ABL1: variants seen among roughly 807,000 people sequenced by gnomAD.
The protein encoded by ABL1 is tyrosine-protein kinase ABL1.
A neutral mutation model predicts 94.7 loss-of-function variants in ABL1; 11 were observed. The ratio of observed to expected loss-of-function variants is 0.12; its 90% CI spans 0.07 to 0.19. ABL1 has a LOEUF of 0.19. Ranked by LOEUF, ABL1 falls within the 10% of genes least tolerant of loss-of-function variation. The probability of loss-of-function intolerance (pLI) is 1.00; values close to 1 mark genes in which losing one functional copy is unlikely to be tolerated. For synonymous variants in ABL1, 656 were observed against 622.4 expected (o/e 1.05, Z -0.80); for missense variants, 1,082 against 1,489.4 (o/e 0.73, Z 4.50).
intron 1 of ABL1, among the ~76,000 whole-genome samples, chr9:130,754,766 C>T (rs4740364): frequency 0.086 from 13,081 of 151,952 alleles, 1,231 homozygotes; most frequent in East Asian, 0.47. Flanking sequence ...GAATACCGTG[C>T]GGGGCTTCTC....
chr9:130,829,687 T>G (rs559526967), intron 1 of ABL1, among the ~76,000 whole-genome samples: 2 of 152,106 alleles, frequency 1.3e-5, no homozygotes, highest in African/African-American at 4.8e-5. Context: ...GATAGGTATA[T>G]AGAAGACTAA....
In ABL1 at chr9:130,773,248, A is replaced by G. The variant is rs192423702; in HGVS notation, c.136+58793A>G. Among the ~76,000 whole-genome samples the G allele has an allele frequency of 8.8e-3, 1,337 of 152,226 alleles. 19 individuals carry two copies. The highest frequency in any genetic ancestry group is 0.031 in the African/African-American group (1,268 of 41,538). ...GCAGGAGAATCACTTGAACCTGGGAAGTGGAGGTTGCAGTGAGCTGAGATC... is the reference window on the plus strand; with the variant it reads ...GCAGGAGAATCACTTGAACCTGGGAGGTGGAGGTTGCAGTGAGCTGAGATC... On this transcript the variant is annotated intron_variant, in intron 1 of 10. Transcript: ENST00000372348.
chr9:130,884,423 GCGCTTCCTGCGCTCTTGCTC>G lies in ABL1; in HGVS notation c.2137_2156del (p.Phe713LeufsTer29). ...AGGAGGGCGGTGGCAGCTCCAGCAA[GCGCTTCCTGCGCTCTTGCTC>G]CGCCTCCTGCGTTCCCCATGGGGCC... On this transcript the variant is annotated frameshift_variant, in exon 11 of 11. Coordinates refer to ENST00000318560, the MANE Select transcript of ABL1 (RefSeq NM_005157.6). LOFTEE classifies it high-confidence loss of function. This position sits in a 1 kb window ranked among gnomAD's most constrained non-coding sequence, Gnocchi z 5.6. The G allele has an allele frequency of 6.2e-7, 1 of 1,612,122 alleles. No individual in the cohort carries two copies. The highest frequency in any genetic ancestry group is 8.5e-7 in the Non-Finnish European group (1 of 1,179,800).
chr9:130,792,691 G>A (rs1829925169), intron 1 of ABL1, among the ~76,000 whole-genome samples: 2 of 152,106 alleles, frequency 1.3e-5, no homozygotes, highest in Non-Finnish European at 2.9e-5. Flanking sequence ...ACCACACTTG[G>A]CAAATTTGAT....
At position 130,884,965 on chromosome 9, in the gene ABL1, T is replaced by C; in HGVS notation, c.2675T>C (p.Leu892Ser). 1 of 1,611,308 alleles carries C rather than the reference T, an allele frequency of 6.2e-7. No homozygotes were observed. The highest frequency in any genetic ancestry group is 8.5e-7 in the Non-Finnish European group (1 of 1,179,536). Residue 892 changes from leucine to serine, a missense_variant, in exon 11 of 11, where the codon TTG (leucine) becomes TCG (serine). This residue lies in a region of ABL1 where 780 missense variants were observed against 835.8 expected (regional missense o/e 0.93). Coordinates refer to ENST00000318560, the MANE Select transcript of ABL1 (RefSeq NM_005157.6). The surrounding 1 kb of genome is among the most constrained non-coding windows in gnomAD (Gnocchi z 5.6). ...TCGCCAGGGAGGGACAAGGGGAAAT[T>C]GTCCAGGCTCAAACCTGCCCCGCCG... ...SESPGRDKGK[L>S]SRLKPAPPPP...
chr9:130,788,823 A>G (rs1365768397), intron 1 of ABL1, among the ~76,000 whole-genome samples: 2 of 152,226 alleles, frequency 1.3e-5, no homozygotes, highest in African/African-American at 4.8e-5. Context: ...AGAATATTAC[A>G]GAAGTAATGC....
chr9:130,806,341 GC>G (rs772099618), intron 1 of ABL1, among the ~76,000 whole-genome samples: 1 of 152,170 alleles, frequency 6.6e-6, no homozygotes, highest in East Asian at 1.9e-4. Flanking sequence ...TAAAGCTGTT[GC>G]CTTTATGGTA....
At chr9:130,802,961 G>A (rs1448573897) in intron 1 of ABL1, among the ~76,000 whole-genome samples, 2 of 152,204 alleles carry the variant, frequency 1.3e-5, no homozygotes, top group Non-Finnish European at 2.9e-5. Flanking sequence ...TCAAGGGTCA[G>A]TCAGGGATGT....
At position 130,862,679 on chromosome 9, in the gene ABL1, T is replaced by TTAAG; in HGVS notation, c.550-83_550-80dup. On this transcript the variant is annotated intron_variant, in intron 3 of 10. Coordinates refer to ENST00000318560, the MANE Select transcript of ABL1 (RefSeq NM_005157.6). This position sits in a 1 kb window ranked among gnomAD's most constrained non-coding sequence, Gnocchi z 5.5. The stretch of plus-strand genomic sequence containing the variant: ...ATGTGAGATTTTGCTGTGTAGTGAA[T>TTAAG]TAAGGCTCAGCCAAACTGGCTCACG... The TTAAG allele has an allele frequency of 6.7e-7, 1 of 1,500,658 alleles. No individual in the cohort carries two copies. Among genetic ancestry groups the TTAAG allele is most frequent in the Non-Finnish European group, 9.0e-7 (1 of 1,112,714 alleles). 93.0% of individuals were successfully genotyped at this position (1,500,658 alleles called of 1,614,324 possible). A position where few individuals can be genotyped will look rare whatever the true frequency, so the allele number is the denominator to read the frequency against.
chr9:130,832,581 A>G (rs1437958649), upstream of ABL1, among the ~76,000 whole-genome samples: 1 of 152,204 alleles, frequency 6.6e-6, no homozygotes. Flanking sequence ...TGTGAAATGG[A>G]ATTAAACTAT....
chr9:130,755,112 T>C (rs973249774), intron 1 of ABL1, among the ~76,000 whole-genome samples: 2 of 152,160 alleles, frequency 1.3e-5, no homozygotes, highest in Admixed American at 6.5e-5. Flanking sequence ...ACTTGGCACA[T>C]GGTAGATCTT....
chr9:130,752,198 G>C (rs1173120381), intron 1 of ABL1, among the ~76,000 whole-genome samples: 2 of 152,188 alleles, frequency 1.3e-5, no homozygotes, highest in African/African-American at 4.8e-5. Context: ...GTGATGAAGT[G>C]CCCAGATTCT....
Position 130,884,163 on chromosome 9 carries a change from G to A in ABL1, c.1873G>A (p.Asp625Asn). The A allele has an allele frequency of 6.2e-7, 1 of 1,613,090 alleles. No individual in the cohort carries two copies. The highest frequency in any genetic ancestry group is 8.5e-7 in the Non-Finnish European group (1 of 1,179,910). Residue 625 changes from aspartate to asparagine, a missense_variant, in exon 11 of 11, where the codon GAC becomes AAC. This residue lies in a region of ABL1 where 780 missense variants were observed against 835.8 expected (regional missense o/e 0.93). Coordinates refer to ENST00000318560, the MANE Select transcript of ABL1 (RefSeq NM_005157.6). This position sits in a 1 kb window ranked among gnomAD's most constrained non-coding sequence, Gnocchi z 5.6. The part of the protein sequence containing the change: ...PKRSSSFREM[D>N]GQPERRGAGE... ...ACGCAGCAGCTCCTTCCGGGAGATGGACGGCCAGCCGGAGCGCAGAGGGGC... is the reference window on the plus strand; with the variant it reads ...ACGCAGCAGCTCCTTCCGGGAGATGAACGGCCAGCCGGAGCGCAGAGGGGC...
At chr9:130,868,508 T>TTTTTTC (rs1415718943) in intron 4 of ABL1, among the ~76,000 whole-genome samples, 14 of 148,550 alleles carry the variant, frequency 9.4e-5, no homozygotes, top group South Asian at 6.3e-4. Flanking sequence ...AAGCCATTTC[T>TTTTTTC]TTTTTCTTTT....
chr9:130,819,295 A>G (rs913121129), intron 1 of ABL1, among the ~76,000 whole-genome samples: 5 of 152,054 alleles, frequency 3.3e-5, no homozygotes, highest in Admixed American at 3.3e-4. Context: ...GGGAGGTTGT[A>G]GTGAGCTGAG....
intron 1 of ABL1, among the ~76,000 whole-genome samples, chr9:130,799,980 C>G (rs148391976): frequency 1.6e-4 from 24 of 152,002 alleles, no homozygotes; most frequent in African/African-American, 4.1e-4. Flanking sequence ...TCAAGTGATT[C>G]TCCTGCCTCA....
intron 1 of ABL1, among the ~76,000 whole-genome samples, chr9:130,786,408 C>G (rs1829826644): frequency 6.6e-6 from 1 of 152,182 alleles, no homozygotes; most frequent in South Asian, 2.1e-4. Flanking sequence ...TGTGATTAGA[C>G]TAATGGATGC....
chr9:130,755,039 A>G (rs1832025493), intron 1 of ABL1, among the ~76,000 whole-genome samples: 1 of 152,184 alleles, frequency 6.6e-6, no homozygotes, highest in African/African-American at 2.4e-5. Flanking sequence ...GGCATTATAC[A>G]TACCCAGTAA....
At position 130,810,234 on chromosome 9, in the gene ABL1, G is replaced by A. The variant is rs186996031; in HGVS notation, c.137-43830G>A. ...ATGATGGCTGGGCATGGTGGCTCAC[G>A]CCTGTAATGCCAGCACTTTGGGAGG... On this transcript the variant is annotated intron_variant, in intron 1 of 10. Coordinates refer to the ABL1 transcript ENST00000372348. Among the ~76,000 whole-genome samples the A allele has an allele frequency of 2.8e-4, 43 of 152,320 alleles. 1 individual carries two copies. In the East Asian group the frequency reaches 6.2e-3, roughly 22 times the overall value.
Sources: gnomAD v4.1 joint callset for allele counts (sites outside exome capture counted in the v4.1 genomes callset) on GRCh38, gnomAD v4.1.1 for gene constraint, gnomAD v4.1.1 regional missense constraint, Gnocchi (gnomAD v3.1) non-coding constraint, MANE v1.5 for transcripts, NCBI Gene and HGNC (gene_info 2026-07-23, HGNC 2026-07-21) for gene names.